MAML3: variants seen among roughly 807,000 people sequenced by gnomAD.
MAML3 encodes mastermind like transcriptional coactivator 3.
A neutral mutation model predicts 101.9 loss-of-function variants in MAML3; 27 were observed. The observed-to-expected ratio is 0.27, with a 90% CI of 0.20 to 0.37. The LOEUF is 0.37. Among genes scored for constraint, MAML3 ranks in the 10% least tolerant of loss-of-function variants. The probability of loss-of-function intolerance (pLI) is 1.00; values close to 1 mark genes in which losing one functional copy is unlikely to be tolerated. For synonymous variants in MAML3, 501 were observed against 555.9 expected (o/e 0.90, Z 1.39); for missense variants, 1,316 against 1,444.9 (o/e 0.91, Z 1.45).
intron 1 of MAML3, among the ~76,000 whole-genome samples, chr4:139,937,534 C>T (rs1439078061): frequency 6.6e-6 from 1 of 151,950 alleles, no homozygotes; most frequent in African/African-American, 2.4e-5. Flanking sequence ...TTACAGGCAT[C>T]TACCACCACA....
At chr4:139,783,110 C>A (rs2111081890) in intron 2 of MAML3, among the ~76,000 whole-genome samples, 1 of 152,294 alleles carries the variant, frequency 6.6e-6, no homozygotes, top group South Asian at 2.1e-4. Context: ...GACATACAGC[C>A]TCGCTAAGTA....
At chr4:139,791,748 C>T (rs1008151105) in intron 2 of MAML3, among the ~76,000 whole-genome samples, 4 of 152,186 alleles carry the variant, frequency 2.6e-5, no homozygotes, top group Non-Finnish European at 5.9e-5. Flanking sequence ...TATTCTAAAA[C>T]CAGTATTATT....
intron 2 of MAML3, among the ~76,000 whole-genome samples, chr4:139,886,380 A>T (rs1732339711): frequency 6.6e-6 from 1 of 152,172 alleles, no homozygotes; most frequent in African/African-American, 2.4e-5. Flanking sequence ...CACATGTATG[A>T]TAGAAAGTTT....
intron 1 of MAML3, among the ~76,000 whole-genome samples, chr4:140,121,733 T>C (rs956698731): frequency 1.3e-5 from 2 of 152,242 alleles, no homozygotes; most frequent in Non-Finnish European, 2.9e-5. Context: ...GAACTATTTA[T>C]CTAAAGAAAA....
intron 1 of MAML3, among the ~76,000 whole-genome samples, chr4:140,079,002 C>T (rs368550257): frequency 8.1e-4 from 124 of 152,290 alleles, no homozygotes; most frequent in African/African-American, 2.7e-3. Flanking sequence ...TCGCAGGTCT[C>T]TGCTGATACA....
chr4:139,897,016 A>G (rs1374341845), intron 1 of MAML3, among the ~76,000 whole-genome samples: 2 of 152,198 alleles, frequency 1.3e-5, no homozygotes, highest in African/African-American at 2.4e-5. Context: ...TCCATGACAA[A>G]GAGGTCTTTT....
chr4:139,787,311 CCAT>C (rs1340433437), intron 2 of MAML3, among the ~76,000 whole-genome samples: 2 of 152,234 alleles, frequency 1.3e-5, no homozygotes, highest in Admixed American at 6.5e-5. Context: ...TGGCTAAAGA[CCAT>C]CTTCTATCTT....
Position 139,719,799 on chromosome 4 carries a change from G to C in MAML3, c.2941C>G (p.Pro981Ala). Residue 981 changes from proline (P) to alanine (A), a missense_variant, in exon 5 of 5, where the codon CCA becomes GCA. Physicochemically the swap from Pro to Ala is conservative, Grantham distance 27 (BLOSUM62 -1). Transcript: ENST00000509479. ...GGGTAGCTGGCGCCATTGTTGAATG[G>C]TCCCAATTCTCCACTAGTCCTCCCA... ...MPGRTSGELG[P>A]FNNGASYPLQ... The C allele has an allele frequency of 1.2e-6, 2 of 1,613,548 alleles. No homozygotes were observed. Among genetic ancestry groups the C allele is most frequent in the Non-Finnish European group, 1.7e-6 (2 of 1,179,902 alleles).
chr4:139,881,250 G>C (rs1336897557), intron 2 of MAML3, among the ~76,000 whole-genome samples: 1 of 152,166 alleles, frequency 6.6e-6, no homozygotes, highest in Non-Finnish European at 1.5e-5. Context: ...CAGGACTCTG[G>C]AATCCTGGAT....
Position 139,893,198 on chromosome 4 carries a change from T to C in MAML3, c.469-2231A>G, listed in dbSNP as rs181828691. Among the ~76,000 whole-genome samples the C allele has an allele frequency of 2.7e-3, 410 of 152,308 alleles. 3 individuals are homozygous for C. Among genetic ancestry groups the C allele is most frequent in the African/African-American group, 9.6e-3 (401 of 41,558 alleles). On this transcript the variant is annotated intron_variant, in intron 1 of 4. Transcript: ENST00000509479. The stretch of plus-strand genomic sequence containing the variant: ...GGGCATTGTCCATGTTGTTTTGTTT[T>C]CTTGGAACGTCCTCCTGCTCCCTCT...
intron 1 of MAML3, among the ~76,000 whole-genome samples, chr4:139,916,324 G>A (rs28419074): frequency 0.055 from 8,392 of 152,292 alleles, 773 homozygotes; most frequent in African/African-American, 0.19. Context: ...GATCTCCTAT[G>A]AGGGCTGTTG....
At chr4:139,832,160 G>A (rs1296443039) in intron 2 of MAML3, among the ~76,000 whole-genome samples, 2 of 139,524 alleles carry the variant, frequency 1.4e-5, no homozygotes, top group African/African-American at 2.6e-5. Context: ...GCTGGAGTGC[G>A]GTGGGGCCAC....
Position 140,073,343 on chromosome 4 carries a change from G to A in MAML3, c.468+79517C>T, listed in dbSNP as rs531943185. 2.6e-5 allele frequency among the ~76,000 whole-genome samples: 4 copies of A among 151,972 alleles called. No homozygotes were observed. The South Asian group carries it at 6.2e-4, about 24-fold the overall frequency. ...AGTAGAGACAGGGTTTCACCATGTC[G>A]GCCAGGCTGGTCTCAAACTCCTGAC... On this transcript the variant is annotated intron_variant, in intron 1 of 4. Transcript: ENST00000509479.
At chr4:139,810,902 G>A (rs1730785643) in intron 2 of MAML3, among the ~76,000 whole-genome samples, 1 of 152,154 alleles carries the variant, frequency 6.6e-6, no homozygotes, top group Non-Finnish European at 1.5e-5. Context: ...CCAATGAGAT[G>A]TCTATAGAAG....
chr4:140,068,422 A>C (rs966621642), intron 1 of MAML3, among the ~76,000 whole-genome samples: 3 of 152,200 alleles, frequency 2.0e-5, no homozygotes, highest in African/African-American at 7.2e-5. Context: ...ATTTTCAAAG[A>C]CATGTAGTGG....
At chr4:139,843,732 A>C (rs561677386) in intron 2 of MAML3, among the ~76,000 whole-genome samples, 4 of 152,326 alleles carry the variant, frequency 2.6e-5, no homozygotes, top group Admixed American at 2.0e-4. Context: ...CTCCAGTTTA[A>C]TAACCAAATT....
At chr4:140,056,191 G>A (rs1727345693) in intron 1 of MAML3, among the ~76,000 whole-genome samples, 1 of 152,082 alleles carries the variant, frequency 6.6e-6, no homozygotes. Flanking sequence ...TGCTGCAGGG[G>A]GAATTCCCTT....
chr4:139,943,004 CAAA>C (rs1282042136), intron 1 of MAML3, among the ~76,000 whole-genome samples: 1 of 152,094 alleles, frequency 6.6e-6, no homozygotes, highest in African/African-American at 2.4e-5. Context: ...TTTTGTTCAA[CAAA>C]AGCCATATAA....
At chr4:139,823,949 C>A (rs1196228208) in intron 2 of MAML3, among the ~76,000 whole-genome samples, 1 of 152,032 alleles carries the variant, frequency 6.6e-6, no homozygotes, top group Non-Finnish European at 1.5e-5. Context: ...GAAATATTTA[C>A]CCTCACCCCA....
Sources: gnomAD v4.1 joint callset for allele counts (sites outside exome capture counted in the v4.1 genomes callset) on GRCh38, gnomAD v4.1.1 for gene constraint, MANE v1.5 for transcripts, NCBI Gene and HGNC (gene_info 2026-07-23, HGNC 2026-07-21) for gene names.